The following TMOD2 variants were observed in gnomAD, a reference collection of about 807,000 sequenced individuals.
TMOD2 encodes the protein tropomodulin 2, also known as tropomodulin-2.
A neutral mutation model predicts 39.9 loss-of-function variants in TMOD2; 22 were observed. The observed-to-expected ratio is 0.55, with a 90% confidence interval of 0.39 to 0.79. The LOEUF (loss-of-function observed/expected upper bound fraction) is 0.79, where lower values mean the gene tolerates loss of function less well. TMOD2 is among the 30% of genes least tolerant of loss of function. The pLI, the probability that TMOD2 is intolerant of heterozygous loss-of-function variation, is 0.00. For synonymous variants in TMOD2, 123 were observed against 146.1 expected (o/e 0.84, Z 1.14); for missense variants, 386 against 413.3 (o/e 0.93, Z 0.57).
chr15:51,781,819 A>AGTGTGT (rs771086308), intron 6 of TMOD2, among the ~76,000 whole-genome samples: 1 of 123,198 alleles, frequency 8.1e-6, no homozygotes, highest in East Asian at 2.2e-4. Flanking sequence ...AGAGAGAGAG[A>AGTGTGT]GAGAGTGTGT....
chr15:51,774,079 G>A (rs2055871589), intron 4 of TMOD2, among the ~76,000 whole-genome samples: 1 of 152,180 alleles, frequency 6.6e-6, no homozygotes, highest in Non-Finnish European at 1.5e-5. Flanking sequence ...AGAAATTAAA[G>A]CAAACAAGTA....
chr15:51,801,229 TCTCTCTCTCACA>T (rs1377469423), intron 8 of TMOD2, among the ~76,000 whole-genome samples: 4 of 98,504 alleles, frequency 4.1e-5, no homozygotes, highest in African/African-American at 1.9e-4. Context: ...TCTCTCTCTC[TCTCTCTCTCACA>T]CACACACACA....
rs1400901202 is a variant in TMOD2, at chr15:51,790,823, CTCAA to C, written c.733-7369_733-7366del. The stretch of plus-strand genomic sequence containing the variant: ...TCAACAGCCTTTCATGCTAAAAACT[CTCAA>C]TCAACTAGGTATTGACGGAACGTAT... On this transcript the variant is annotated intron_variant, in intron 7 of 9. Transcript: ENST00000249700. Among the ~76,000 whole-genome samples, 3 of 152,172 alleles carry C rather than the reference CTCAA, an allele frequency of 2.0e-5. No homozygotes were observed. In the East Asian group the frequency reaches 5.8e-4, roughly 29 times the overall value.
At chr15:51,801,876 G>A (rs2056092563) in intron 8 of TMOD2, among the ~76,000 whole-genome samples, 1 of 151,874 alleles carries the variant, frequency 6.6e-6, no homozygotes, top group African/African-American at 2.4e-5. Flanking sequence ...AGAATCCCTT[G>A]AGCCCAGGAG....
intron 1 of TMOD2, among the ~76,000 whole-genome samples, chr15:51,755,801 A>G (rs2055737903): frequency 6.6e-6 from 1 of 151,950 alleles, no homozygotes; most frequent in Non-Finnish European, 1.5e-5. Flanking sequence ...CAAAACCTGG[A>G]TCAAAACCTA....
intron 1 of TMOD2, among the ~76,000 whole-genome samples, chr15:51,752,233 GC>G (rs1264861789): frequency 6.6e-6 from 1 of 152,134 alleles, no homozygotes; most frequent in African/African-American, 2.4e-5. Flanking sequence ...CCAGTAAGCG[GC>G]CTCGTGCGGA....
chr15:51,771,102 G>T (rs1290688300), intron 3 of TMOD2, among the ~76,000 whole-genome samples: 1 of 152,182 alleles, frequency 6.6e-6, no homozygotes, highest in African/African-American at 2.4e-5. Context: ...GGGGAGTTAG[G>T]AACGTAGGAG....
chr15:51,777,027 A>G lies in TMOD2; in HGVS notation c.493+9A>G, dbSNP rs761386949. On this transcript the variant is annotated intron_variant, in intron 5 of 9. Coordinates refer to ENST00000249700, the MANE Select transcript of TMOD2 (RefSeq NM_014548.4). Reference sequence around the variant, plus strand: ...CAAAGGACCTGTCAGAAGTAAGTTGATGTGCAATCTGTGGTTTTGTAAAGC... The same window carrying G: ...CAAAGGACCTGTCAGAAGTAAGTTGGTGTGCAATCTGTGGTTTTGTAAAGC... 1.4e-5 allele frequency: 23 copies of G among 1,612,668 alleles called. No individual in the cohort carries two copies. The East Asian group carries it at 4.9e-4, about 34-fold the overall frequency.
At chr15:51,757,262 C>T (rs927116331) in intron 1 of TMOD2, among the ~76,000 whole-genome samples, 2 of 151,816 alleles carry the variant, frequency 1.3e-5, no homozygotes, top group Non-Finnish European at 2.9e-5. Context: ...ATTAGCTGGG[C>T]GTGGTGGCGG....
intron 5 of TMOD2, among the ~76,000 whole-genome samples, chr15:51,778,323 C>G (rs747488849): frequency 0.012 from 1,287 of 106,184 alleles, 14 homozygotes; most frequent in Middle Eastern, 0.06. Flanking sequence ...ACATCACACT[C>G]TGGGGACTGT....
At chr15:51,795,686 A>T (rs181769176) in intron 7 of TMOD2, among the ~76,000 whole-genome samples, 1 of 144,962 alleles carries the variant, frequency 6.9e-6, no homozygotes, top group East Asian at 2.0e-4. Context: ...TGCATCTTTC[A>T]TCCACATCTC....
intron 2 of TMOD2, chr15:51,767,177 C>CT (rs1421854777): frequency 1.3e-5 from 2 of 152,118 alleles, no homozygotes; most frequent in African/African-American, 4.8e-5. Flanking sequence ...AGACACATGC[C>CT]ACCATGCCTG....
At chr15:51,787,543 C>G (rs2055979370) in intron 7 of TMOD2, among the ~76,000 whole-genome samples, 1 of 152,258 alleles carries the variant, frequency 6.6e-6, no homozygotes, top group Non-Finnish European at 1.5e-5. Context: ...GGACAGACTG[C>G]CTCTGCAAGT....
intron 5 of TMOD2, 116 bp downstream of exon 5, chr15:51,777,134 C>T: frequency 2.3e-6 from 2 of 858,106 alleles, no homozygotes; most frequent in East Asian, 5.5e-5. Flanking sequence ...GCTAGGATCA[C>T]TTGGGCTTTG....
intron 4 of TMOD2, 140 bp downstream of exon 4, chr15:51,773,974 T>C: frequency 4.2e-6 from 4 of 947,444 alleles, no homozygotes; most frequent in Non-Finnish European, 6.2e-6. Flanking sequence ...GCTGTAAGTC[T>C]TGATGCAGGT....
At position 51,777,021 on chromosome 15, in the gene TMOD2, A is replaced by G; in HGVS notation, c.493+3A>G. 1 of 1,613,290 alleles carries G rather than the reference A, an allele frequency of 6.2e-7. No individual in the cohort carries two copies. Reference sequence around the variant, plus strand: ...AGGTGGCAAAGGACCTGTCAGAAGTAAGTTGATGTGCAATCTGTGGTTTTG... The same window carrying G: ...AGGTGGCAAAGGACCTGTCAGAAGTGAGTTGATGTGCAATCTGTGGTTTTG... On this transcript the variant is annotated splice_donor_region_variant and intron_variant, in intron 5 of 9. Transcript: ENST00000249700.
intron 2 of TMOD2, among the ~76,000 whole-genome samples, chr15:51,767,342 A>T (rs182796310): frequency 3.9e-5 from 6 of 152,306 alleles, no homozygotes; most frequent in African/African-American, 1.4e-4. Flanking sequence ...GCAGATTTTT[A>T]AAAATATCTC....
chr15:51,775,778 A>T (rs759227146), intron 4 of TMOD2, among the ~76,000 whole-genome samples: 1 of 151,818 alleles, frequency 6.6e-6, no homozygotes, highest in African/African-American at 2.4e-5. Context: ...GGGCTTCGCC[A>T]TGTTGGCCAG....
intron 8 of TMOD2, among the ~76,000 whole-genome samples, chr15:51,798,701 CCTTA>C (rs1303425445): frequency 6.6e-6 from 1 of 152,226 alleles, no homozygotes. Flanking sequence ...ACTATCCCAG[CCTTA>C]CTTTTGCTTC....
Sources: allele counts gnomAD v4.1 joint callset (sites outside exome capture counted in the v4.1 genomes callset), GRCh38; gene constraint gnomAD v4.1.1; transcripts MANE v1.5; gene names NCBI Gene and HGNC (gene_info 2026-07-23, HGNC 2026-07-21).